The following FOXO3 variants were observed in gnomAD, a reference collection of about 807,000 sequenced individuals.
FOXO3 encodes forkhead box O3.
In FOXO3, 4 loss-of-function variants were observed where a neutral mutation model predicts 41.9. The ratio of observed to expected loss-of-function variants is 0.10; its 90% CI spans 0.05 to 0.22. FOXO3 has a LOEUF of 0.22. Among genes scored for constraint, FOXO3 ranks in the 10% least tolerant of loss-of-function variants. FOXO3 has a pLI of 1.00. For missense variants in FOXO3, 534 were observed against 906.8 expected (o/e 0.59, Z 5.28); for synonymous variants, 318 against 389.3 (o/e 0.82, Z 2.16).
intron 1 of FOXO3, among the ~76,000 whole-genome samples, chr6:108,578,973 A>C (rs926625370): frequency 1.3e-5 from 2 of 152,230 alleles, no homozygotes; most frequent in African/African-American, 4.8e-5. Flanking sequence ...TCTGTAGTCC[A>C]TTAAGCAGGG....
rs1770967658 is a variant in FOXO3 at position 108,683,961 on chromosome 6, A to C, written c.*4169A>C. On this transcript the variant is annotated 3_prime_UTR_variant, in exon 3 of 3. Coordinates refer to ENST00000406360, the MANE Select transcript of FOXO3 (RefSeq NM_001455.4). ...CCTGTCAAATGAGGTCTTGAAGCGG[A>C]TGCCCAAATAAAAGAGTATATTTTA... 1 of 152,634 alleles carries C rather than the reference A, an allele frequency of 6.6e-6. No individual in the cohort carries two copies. The highest frequency in any genetic ancestry group is 1.5e-5 in the Non-Finnish European group (1 of 68,044). The allele number at this position is 152,634 out of a possible 1,614,324, so 9.5% of individuals were successfully genotyped here.
chr6:108,597,648 A>T (rs1219042788), intron 1 of FOXO3, among the ~76,000 whole-genome samples: 1 of 152,196 alleles, frequency 6.6e-6, no homozygotes, highest in Non-Finnish European at 1.5e-5. Context: ...CCATGGGGTT[A>T]GGTACTCCAT....
intron 1 of FOXO3, among the ~76,000 whole-genome samples, chr6:108,645,807 C>A (rs1365611739): frequency 6.6e-6 from 1 of 152,118 alleles, no homozygotes; most frequent in African/African-American, 2.4e-5. Context: ...CTCTAATTAC[C>A]ATTATTAATG....
intron 1 of FOXO3, among the ~76,000 whole-genome samples, chr6:108,608,048 G>C (rs1174617353): frequency 6.6e-6 from 1 of 152,148 alleles, no homozygotes; most frequent in Non-Finnish European, 1.5e-5. Context: ...CCATTTCCAA[G>C]GACCTTGGGA....
intron 1 of FOXO3, among the ~76,000 whole-genome samples, chr6:108,659,069 GA>G (rs1374135191): frequency 1.3e-5 from 2 of 152,006 alleles, no homozygotes; most frequent in Non-Finnish European, 2.9e-5. Context: ...ATTTTTTGTA[GA>G]GACAGGGTTT....
At chr6:108,620,910 T>C (rs973203768) in intron 1 of FOXO3, among the ~76,000 whole-genome samples, 7 of 152,190 alleles carry the variant, frequency 4.6e-5, no homozygotes, top group Non-Finnish European at 1.0e-4. Context: ...TCCCACGTTA[T>C]CCAAAATGAA....
intron 1 of FOXO3, among the ~76,000 whole-genome samples, chr6:108,644,626 G>T (rs1000995641): frequency 2.0e-5 from 3 of 152,084 alleles, no homozygotes; most frequent in Non-Finnish European, 4.4e-5. Context: ...CCCTCATGTT[G>T]CATGACTCCC....
intron 1 of FOXO3, among the ~76,000 whole-genome samples, chr6:108,607,582 C>T (rs1424521273): frequency 6.6e-6 from 1 of 152,060 alleles, no homozygotes; most frequent in Admixed American, 6.5e-5. Flanking sequence ...GTTTCTAACC[C>T]TGTTTTTCTT....
chr6:108,656,973 C>T (rs1402460678), intron 1 of FOXO3, among the ~76,000 whole-genome samples: 1 of 152,222 alleles, frequency 6.6e-6, no homozygotes, highest in Admixed American at 6.5e-5. Flanking sequence ...AATCTCTAGG[C>T]AGCAGGACTG....
At chr6:108,572,838 G>A (rs1161158528) in intron 1 of FOXO3, among the ~76,000 whole-genome samples, 2 of 152,132 alleles carry the variant, frequency 1.3e-5, no homozygotes, top group African/African-American at 4.8e-5. Context: ...TTAAATGTAA[G>A]CCTCAGTTTA....
At chr6:108,600,670 A>G (rs538998621) in intron 1 of FOXO3, among the ~76,000 whole-genome samples, 1 of 151,994 alleles carries the variant, frequency 6.6e-6, no homozygotes, top group Non-Finnish European at 1.5e-5. Context: ...TTTTGTGTGC[A>G]TATTTCCTGG....
At chr6:108,590,905 A>G (rs1209248104) in intron 1 of FOXO3, among the ~76,000 whole-genome samples, 1 of 152,174 alleles carries the variant, frequency 6.6e-6, no homozygotes, top group Admixed American at 6.5e-5. Context: ...AGCTCATCCT[A>G]GCTCAGCTGC....
intron 1 of FOXO3, among the ~76,000 whole-genome samples, chr6:108,572,790 G>GT (rs1226582677): frequency 2.6e-5 from 4 of 152,146 alleles, no homozygotes; most frequent in Non-Finnish European, 4.4e-5. Context: ...ACTCAACTAG[G>GT]TTTTTTATGT....
In FOXO3 at chr6:108,591,648, T is replaced by C. The variant is rs1349568962; in HGVS notation, c.621+29819T>C. 2.6e-5 allele frequency among the ~76,000 whole-genome samples: 4 copies of C among 152,210 alleles called. No homozygotes were observed. The South Asian group carries it at 6.2e-4, about 24-fold the overall frequency. On this transcript the variant is annotated intron_variant, in intron 1 of 2. Transcript: ENST00000406360. ...TCTTCAGCAGCTTGAAATAACATCT[T>C]GAGCTGGCTGTAAACAAAACATCTC... is the stretch of plus-strand genomic sequence containing the variant.
intron 1 of FOXO3, among the ~76,000 whole-genome samples, chr6:108,584,037 T>C (rs1776506435): frequency 6.6e-6 from 1 of 152,178 alleles, no homozygotes; most frequent in Non-Finnish European, 1.5e-5. Context: ...TGTCCAGGGC[T>C]CATGTGACTT....
chr6:108,618,166 A>G, intron 1 of FOXO3: 3 of 1,000,806 alleles, frequency 3.0e-6, no homozygotes, highest in Non-Finnish European at 4.8e-6. Context: ...TCATTAGTTT[A>G]CTAAGTGGTG....
intron 1 of FOXO3, among the ~76,000 whole-genome samples, chr6:108,609,944 C>T (rs1350372446): frequency 1.3e-5 from 2 of 152,074 alleles, no homozygotes; most frequent in Non-Finnish European, 1.5e-5. Context: ...CATACATGCA[C>T]ACATATGTAC....
chr6:108,573,278 C>T (rs77959905), intron 1 of FOXO3, among the ~76,000 whole-genome samples: 1 of 150,498 alleles, frequency 6.6e-6, no homozygotes, highest in Non-Finnish European at 1.5e-5. Context: ...CAGAGAGAGA[C>T]TCTGTCTCAA....
chr6:108,590,209 G>A (rs1401764685), intron 1 of FOXO3, among the ~76,000 whole-genome samples: 2 of 151,782 alleles, frequency 1.3e-5, no homozygotes, highest in South Asian at 2.1e-4. Flanking sequence ...CTGCAGACTG[G>A]AACTCCTGGG....
Sources: gnomAD v4.1 joint callset for allele counts (sites outside exome capture counted in the v4.1 genomes callset) on GRCh38, gnomAD v4.1.1 for gene constraint, MANE v1.5 for transcripts, NCBI Gene and HGNC (gene_info 2026-07-23, HGNC 2026-07-21) for gene names.